ASTN2: variants seen among roughly 807,000 people sequenced by gnomAD.
ASTN2 encodes astrotactin 2.
Under a neutral mutation model 139.8 loss-of-function variants are expected in ASTN2, and 54 were observed. The observed-to-expected ratio is 0.39, with a 90% CI of 0.31 to 0.48. ASTN2 has a LOEUF of 0.48. ASTN2 is among the 20% of genes least tolerant of loss of function. The probability of loss-of-function intolerance (pLI) is 0.95; values close to 1 mark genes in which losing one functional copy is unlikely to be tolerated. For synonymous variants in ASTN2, 756 were observed against 719.5 expected, an observed-to-expected ratio of 1.05 and a Z score of -0.81; for missense variants, 1,565 against 1,725.1, an observed-to-expected ratio of 0.91 and a Z score of 1.64.
rs1169352647 is a variant in ASTN2 at position 116,565,385 on chromosome 9, CTCCATATATATATATATA to C, written c.3355+52921_3355+52938del. Among the ~76,000 whole-genome samples the C allele has an allele frequency of 4.8e-3, 147 of 30,752 alleles. 4 individuals are homozygous for C. The Middle Eastern group carries it at 0.05, about 10-fold the overall frequency. The allele number at this position is 30,752 out of a possible 152,430, so 20.2% of individuals were successfully genotyped here. ...TCTCTCTCTCTCTCTCTCTCTCTCT[CTCCATATATATATATATA>C]TATATATATATATATATATATATAT... is the stretch of plus-strand genomic sequence containing the variant. On this transcript the variant is annotated intron_variant, in intron 19 of 22. Transcript: ENST00000313400.
chr9:117,021,506 A>G (rs1008996130), intron 6 of ASTN2, among the ~76,000 whole-genome samples: 5 of 152,154 alleles, frequency 3.3e-5, no homozygotes, highest in African/African-American at 1.2e-4. Flanking sequence ...CAAAGTTAAC[A>G]TCATCTCGCT....
At chr9:116,493,707 C>T (rs949379099) in intron 19 of ASTN2, among the ~76,000 whole-genome samples, 5 of 152,090 alleles carry the variant, frequency 3.3e-5, no homozygotes, top group African/African-American at 1.2e-4. Context: ...GTTGAGGTCA[C>T]CGTCAAAGCC....
intron 11 of ASTN2, among the ~76,000 whole-genome samples, chr9:116,852,235 C>A (rs1400072401): frequency 6.6e-6 from 1 of 152,160 alleles, no homozygotes; most frequent in East Asian, 1.9e-4. Flanking sequence ...CTGGGTTTTG[C>A]TCATGCCTGG....
chr9:116,857,639 A>G (rs999735446), intron 11 of ASTN2, among the ~76,000 whole-genome samples: 13 of 152,318 alleles, frequency 8.5e-5, no homozygotes, highest in African/African-American at 2.2e-4. Flanking sequence ...ACCTCCCTAC[A>G]TGAACTTGAG....
rs569688311 is a variant in ASTN2, at chr9:116,813,356, A to T, written c.2207+7261T>A. Among the ~76,000 whole-genome samples the T allele has an allele frequency of 2.9e-4, 44 of 152,306 alleles. No individual in the cohort carries two copies. In the Middle Eastern group the frequency reaches 0.01, roughly 35 times the overall value. On this transcript the variant is annotated intron_variant, in intron 12 of 22. Coordinates refer to ENST00000313400, the MANE Select transcript of ASTN2 (RefSeq NM_001365068.1). ...AGAGCATGTTTTATTTAATCCTCAT[A>T]GCAACATTGTGAGATGGGTACTTTC...
chr9:117,209,410 A>G (rs1441695752), intron 3 of ASTN2, among the ~76,000 whole-genome samples: 1 of 152,152 alleles, frequency 6.6e-6, no homozygotes, highest in Non-Finnish European at 1.5e-5. Context: ...AGCTGGAATT[A>G]TATCAGACTA....
chr9:116,512,902 A>G (rs1386793746), intron 19 of ASTN2, among the ~76,000 whole-genome samples: 1 of 152,130 alleles, frequency 6.6e-6, no homozygotes, highest in Non-Finnish European at 1.5e-5. Flanking sequence ...GTCTCTGCAC[A>G]TGAGATGGGT....
intron 20 of ASTN2, among the ~76,000 whole-genome samples, chr9:116,478,142 G>T (rs1849049748): frequency 7.1e-6 from 1 of 140,056 alleles, no homozygotes. Context: ...AAGGGAGGGA[G>T]GGATACAGGA....
chr9:116,445,464 T>C (rs1847959080), intron 20 of ASTN2, among the ~76,000 whole-genome samples: 1 of 152,178 alleles, frequency 6.6e-6, no homozygotes, highest in Non-Finnish European at 1.5e-5. Context: ...AGTAGGAATA[T>C]GTTTTAACAC....
At chr9:116,966,689 C>T (rs10759877) in intron 10 of ASTN2, among the ~76,000 whole-genome samples, 39,980 of 149,088 alleles carry the variant, frequency 0.27, 5,579 homozygotes, top group Admixed American at 0.36. Flanking sequence ...GTTTCTCAGA[C>T]GGGCCTCATT....
chr9:117,292,421 C>T (rs1382775145), intron 1 of ASTN2, among the ~76,000 whole-genome samples: 3 of 152,054 alleles, frequency 2.0e-5, no homozygotes, highest in Admixed American at 2.0e-4. Flanking sequence ...TCCAAAGTCC[C>T]CTTGACTAAA....
intron 20 of ASTN2, among the ~76,000 whole-genome samples, chr9:116,462,350 A>T (rs368532651): frequency 2.6e-5 from 4 of 152,214 alleles, no homozygotes; most frequent in East Asian, 3.9e-4. Context: ...CCTGGCTAGG[A>T]TATACAGAGC....
chr9:116,778,513 A>G (rs1463375774), intron 13 of ASTN2, among the ~76,000 whole-genome samples: 4 of 152,178 alleles, frequency 2.6e-5, no homozygotes, highest in East Asian at 1.9e-4. Context: ...GGGCTTCTCA[A>G]AATGATTGCT....
intron 20 of ASTN2, among the ~76,000 whole-genome samples, chr9:116,461,342 G>A (rs1403828506): frequency 4.6e-5 from 7 of 151,916 alleles, no homozygotes; most frequent in Non-Finnish European, 8.8e-5. Context: ...AATTGTGCCA[G>A]ACCACATAGT....
At chr9:117,189,982 A>G (rs1831304747) in intron 3 of ASTN2, among the ~76,000 whole-genome samples, 2 of 152,120 alleles carry the variant, frequency 1.3e-5, no homozygotes, top group African/African-American at 4.8e-5. Context: ...GTTCCTGTAT[A>G]CTCTGGGTTC....
At chr9:116,779,228 A>C (rs1564262519) in intron 13 of ASTN2, among the ~76,000 whole-genome samples, 1 of 152,146 alleles carries the variant, frequency 6.6e-6, no homozygotes, top group African/African-American at 2.4e-5. Flanking sequence ...TGTTTGGGTC[A>C]TAAAGGCTCC....
intron 5 of ASTN2, among the ~76,000 whole-genome samples, chr9:117,046,759 A>G (rs1365261256): frequency 6.6e-6 from 1 of 152,214 alleles, no homozygotes; most frequent in African/African-American, 2.4e-5. Flanking sequence ...GCCAGACCTC[A>G]TATTTTATGC....
intron 10 of ASTN2, among the ~76,000 whole-genome samples, chr9:116,883,733 A>G (rs1833516465): frequency 6.6e-6 from 1 of 152,234 alleles, no homozygotes. Context: ...CAGGTAGCCC[A>G]TGAAGGTAGG....
chr9:117,030,557 T>A (rs991472060), intron 6 of ASTN2, among the ~76,000 whole-genome samples: 1 of 152,168 alleles, frequency 6.6e-6, no homozygotes, highest in South Asian at 2.1e-4. Flanking sequence ...TCATTAAAAA[T>A]CCCAGTCCCA....
Sources: allele counts gnomAD v4.1 joint callset (sites outside exome capture counted in the v4.1 genomes callset), GRCh38; gene constraint gnomAD v4.1.1; transcripts MANE v1.5; gene names NCBI Gene and HGNC (gene_info 2026-07-23, HGNC 2026-07-21).